The following MAP2K5 variants were observed in gnomAD, a reference collection of about 807,000 sequenced individuals.
MAP2K5 encodes mitogen-activated protein kinase kinase 5.
In MAP2K5, 49 loss-of-function variants were observed where a neutral mutation model predicts 83.1. The observed-to-expected ratio is 0.59, with a 90% CI of 0.47 to 0.75. The LOEUF is 0.75. Ranked by LOEUF, MAP2K5 falls within the 30% of genes least tolerant of loss-of-function variation. The pLI, the probability that MAP2K5 is intolerant of heterozygous loss-of-function variation, is 0.00. For synonymous variants in MAP2K5, 202 were observed against 191.8 expected, an observed-to-expected ratio of 1.05 and a Z score of -0.44; for missense variants, 457 against 557.5, an observed-to-expected ratio of 0.82 and a Z score of 1.82.
At chr15:67,753,599 CAATT>C (rs2089769209) in intron 19 of MAP2K5, among the ~76,000 whole-genome samples, 2 of 151,626 alleles carry the variant, frequency 1.3e-5, no homozygotes, top group Admixed American at 6.6e-5. Flanking sequence ...ATATGCTCAA[CAATT>C]AATTAAGGAA....
At position 67,563,087 on chromosome 15, in the gene MAP2K5, AAAAG is replaced by A. The variant is rs2084771128; in HGVS notation, c.185-191_185-188del. Among the ~76,000 whole-genome samples, 1 of 152,204 alleles carries A rather than the reference AAAAG, an allele frequency of 6.6e-6. No homozygotes were observed. The highest frequency in any genetic ancestry group is 1.9e-4 in the East Asian group (1 of 5,206). The stretch of plus-strand genomic sequence containing the variant: ...AATATTTTAATTTTCTGCTATCCCT[AAAAG>A]AAAGTTTTATATTGAGATTCTGATC... On this transcript the variant is annotated intron_variant, in intron 2 of 21. Coordinates refer to ENST00000178640, the MANE Select transcript of MAP2K5 (RefSeq NM_145160.3). This position sits in a 1 kb window ranked among gnomAD's most constrained non-coding sequence, Gnocchi z 4.5.
chr15:67,588,109 G>C (rs2141005847), intron 6 of MAP2K5: 1 of 985,326 alleles, frequency 1.0e-6, no homozygotes, highest in Middle Eastern at 5.2e-4. Flanking sequence ...ATGCTTTCAA[G>C]ATGAAGTGTA....
intron 16 of MAP2K5, among the ~76,000 whole-genome samples, chr15:67,726,053 A>G (rs971442310): frequency 6.6e-6 from 1 of 152,240 alleles, no homozygotes; most frequent in Admixed American, 6.5e-5. Context: ...TTTGTTATGT[A>G]CAGTGGAAGA....
chr15:67,764,100 G>A lies in MAP2K5; in HGVS notation c.1135-5502G>A, dbSNP rs911222813. On this transcript the variant is annotated intron_variant, in intron 19 of 21. Transcript: ENST00000178640. The surrounding 1 kb of genome is among the most constrained non-coding windows in gnomAD (Gnocchi z 4.9). ...CTATTAAAAAACAGTTAGAGGGCTG[G>A]CCATATTTCATTTAACTTGCCATGC... Among the ~76,000 whole-genome samples the A allele has an allele frequency of 6.6e-6, 1 of 152,154 alleles. No individual in the cohort carries two copies. The highest frequency in any genetic ancestry group is 1.5e-5 in the Non-Finnish European group (1 of 68,028).
At chr15:67,554,182 C>T (rs1055834059) in intron 2 of MAP2K5, among the ~76,000 whole-genome samples, 2 of 152,094 alleles carry the variant, frequency 1.3e-5, no homozygotes, top group African/African-American at 4.8e-5. Flanking sequence ...ACCTCAGCCT[C>T]CTGAGTAGCT....
rs2084982119 is a variant in MAP2K5 at position 67,573,125 on chromosome 15, G to C, written c.253-7629G>C. Among the ~76,000 whole-genome samples the C allele has an allele frequency of 1.3e-5, 2 of 152,114 alleles. No individual in the cohort carries two copies. The highest frequency in any genetic ancestry group is 4.8e-5 in the African/African-American group (2 of 41,412). ...CTGTTCCCTTAATCATAAATAGCTA[G>C]AGCCTAGGAATACCTAACTTCCTGG... On this transcript the variant is annotated intron_variant, in intron 3 of 21. Coordinates refer to ENST00000178640, the MANE Select transcript of MAP2K5 (RefSeq NM_145160.3). The surrounding 1 kb of genome is among the most constrained non-coding windows in gnomAD (Gnocchi z 4.2).
chr15:67,692,457 G>T, intron 13 of MAP2K5, 22 bp from the exon 14 acceptor site: 1 of 1,579,144 alleles, frequency 6.3e-7, no homozygotes. Flanking sequence ...TAGTTACATG[G>T]CCTTTTCTGG....
intron 9 of MAP2K5, among the ~76,000 whole-genome samples, chr15:67,631,924 C>T (rs1434323313): frequency 1.3e-5 from 2 of 151,936 alleles, no homozygotes; most frequent in Non-Finnish European, 2.9e-5. Flanking sequence ...CCCAACCTTC[C>T]CCACAAATTG....
chr15:67,701,789 G>A (rs943336789), intron 15 of MAP2K5, among the ~76,000 whole-genome samples: 3 of 152,200 alleles, frequency 2.0e-5, no homozygotes, highest in African/African-American at 7.2e-5. Context: ...TGCGATGGCT[G>A]CTCCAAAAAC....
intron 15 of MAP2K5, among the ~76,000 whole-genome samples, chr15:67,697,682 T>C (rs2088300649): frequency 6.6e-6 from 1 of 152,212 alleles, no homozygotes; most frequent in South Asian, 2.1e-4. Context: ...TAACTTTTCG[T>C]ATTAAGAATC....
rs988514775 is a variant in MAP2K5, at chr15:67,738,700, C to T, written c.1075-9531C>T. Among the ~76,000 whole-genome samples the T allele has an allele frequency of 1.3e-5, 2 of 152,212 alleles. No homozygotes were observed. Among genetic ancestry groups the T allele is most frequent in the Non-Finnish European group, 2.9e-5 (2 of 68,040 alleles). ...GGGGATCCACCCACATACACATGTA[C>T]ACACAACCACACGAGCAGCTCTGCT... On this transcript the variant is annotated intron_variant, in intron 17 of 21. Coordinates refer to ENST00000178640, the MANE Select transcript of MAP2K5 (RefSeq NM_145160.3). The surrounding 1 kb of genome is among the most constrained non-coding windows in gnomAD (Gnocchi z 4.1).
At chr15:67,661,640 T>C (rs2087240612) in intron 12 of MAP2K5, among the ~76,000 whole-genome samples, 1 of 152,160 alleles carries the variant, frequency 6.6e-6, no homozygotes, top group Non-Finnish European at 1.5e-5. Flanking sequence ...TTTTAGCAAA[T>C]ATTATAAAAT....
rs1394009007 is a variant in MAP2K5 at position 67,577,547 on chromosome 15, T to G, written c.253-3207T>G. On this transcript the variant is annotated intron_variant, in intron 3 of 21. Transcript: ENST00000178640. The surrounding 1 kb of genome is among the most constrained non-coding windows in gnomAD (Gnocchi z 4.1). ...GTTCAGTATCTTAGTGTACAAAGTT[T>G]AGGGGTGTTTTTTTGGTCGTTGCTG... 6.6e-6 allele frequency among the ~76,000 whole-genome samples: 1 copy of G among 152,222 alleles called. No homozygotes were observed. The highest frequency in any genetic ancestry group is 2.4e-5 in the African/African-American group (1 of 41,460).
intron 5 of MAP2K5, among the ~76,000 whole-genome samples, chr15:67,586,566 A>G (rs2085296067): frequency 6.6e-6 from 1 of 152,118 alleles, no homozygotes; most frequent in Non-Finnish European, 1.5e-5. Flanking sequence ...CTGTTTTTAT[A>G]TGTATTCTAG....
At chr15:67,580,913 C>A in intron 4 of MAP2K5, 90 bp downstream of exon 4, 3 of 862,388 alleles carry the variant, frequency 3.5e-6, no homozygotes, top group Non-Finnish European at 5.8e-6. Flanking sequence ...ATGCACATAA[C>A]ATGATGTTTA....
rs547424649 is a variant in MAP2K5 at position 67,636,671 on chromosome 15, A to C, written c.585+5744A>C. Reference sequence around the variant, plus strand: ...CTTATAATTTTTTATTGGATACCAGACATGTGGCATGGGTGCTATTTTTGC... The same window carrying C: ...CTTATAATTTTTTATTGGATACCAGCCATGTGGCATGGGTGCTATTTTTGC... On this transcript the variant is annotated intron_variant, in intron 9 of 21. Transcript: ENST00000178640. This position sits in a 1 kb window ranked among gnomAD's most constrained non-coding sequence, Gnocchi z 4.7. 2.5e-4 allele frequency among the ~76,000 whole-genome samples: 38 copies of C among 152,070 alleles called. No individual in the cohort carries two copies. The highest frequency in any genetic ancestry group is 4.6e-4 in the Non-Finnish European group (31 of 68,018).
chr15:67,670,644 T>A (rs2087507369), intron 13 of MAP2K5, among the ~76,000 whole-genome samples: 1 of 152,022 alleles, frequency 6.6e-6, no homozygotes, highest in Non-Finnish European at 1.5e-5. Flanking sequence ...TTTCTGTATC[T>A]TCATGGTTCC....
intron 15 of MAP2K5, among the ~76,000 whole-genome samples, chr15:67,694,395 T>C (rs2088192866): frequency 6.6e-6 from 1 of 152,180 alleles, no homozygotes; most frequent in African/African-American, 2.4e-5. Context: ...TGTTAATATG[T>C]CATGAAATTA....
At position 67,690,245 on chromosome 15, in the gene MAP2K5, C is replaced by T. The variant is rs1486774903; in HGVS notation, c.848-2234C>T. Among the ~76,000 whole-genome samples the T allele has an allele frequency of 6.6e-6, 1 of 152,148 alleles. No homozygotes were observed. The highest frequency in any genetic ancestry group is 1.5e-5 in the Non-Finnish European group (1 of 68,024). On this transcript the variant is annotated intron_variant, in intron 13 of 21. Transcript: ENST00000178640. The surrounding 1 kb of genome is among the most constrained non-coding windows in gnomAD (Gnocchi z 4.3). Reference sequence around the variant, plus strand: ...TAAGACCAAACTATGTAGAATCTAACATTTGTTTCAGTTCAGCAAACATTT... The same window carrying T: ...TAAGACCAAACTATGTAGAATCTAATATTTGTTTCAGTTCAGCAAACATTT...
Sources: gnomAD v4.1 joint callset for allele counts (sites outside exome capture counted in the v4.1 genomes callset) on GRCh38, gnomAD v4.1.1 for gene constraint, Gnocchi (gnomAD v3.1) non-coding constraint, MANE v1.5 for transcripts, NCBI Gene and HGNC (gene_info 2026-07-23, HGNC 2026-07-21) for gene names.